CLASP2: variants seen among roughly 807,000 people sequenced by gnomAD.
CLASP2 encodes CLIP-associating protein 2.
A neutral mutation model predicts 194.4 loss-of-function variants in CLASP2; 47 were observed. The ratio of observed to expected loss-of-function variants is 0.24; its 90% confidence interval spans 0.19 to 0.31. The LOEUF (loss-of-function observed/expected upper bound fraction) is 0.31. Ranked by LOEUF, CLASP2 falls within the 10% of genes least tolerant of loss-of-function variation. The probability of loss-of-function intolerance (pLI) is 1.00; values close to 1 mark genes in which losing one functional copy is unlikely to be tolerated. For synonymous variants in CLASP2, 619 were observed against 633.5 expected (o/e 0.98, Z 0.34); for missense variants, 1,445 against 1,823.6 (o/e 0.79, Z 3.78).
At chr3:33,713,030 AAAAAAAAAAG>A (rs2093106507) in intron 1 of CLASP2, among the ~76,000 whole-genome samples, 6 of 150,674 alleles carry the variant, frequency 4.0e-5, no homozygotes, top group African/African-American at 1.2e-4. Context: ...AAAAAAAAAA[AAAAAAAAAAG>A]AAAGTGTGAA....
intron 7 of CLASP2, 71 bp downstream of exon 7, chr3:33,663,374 T>G: frequency 1.8e-6 from 2 of 1,122,216 alleles, no homozygotes; most frequent in Non-Finnish European, 2.6e-6. Context: ...ATCAGTGATA[T>G]ATAATACATT....
chr3:33,711,044 A>G (rs988062213), intron 1 of CLASP2, among the ~76,000 whole-genome samples: 2 of 152,162 alleles, frequency 1.3e-5, no homozygotes, highest in Non-Finnish European at 2.9e-5. Context: ...AGGGGAGAGG[A>G]AAAGATGTAG....
intron 18 of CLASP2, chr3:33,602,557 C>T (rs1256226281): frequency 2.6e-6 from 2 of 763,016 alleles, no homozygotes; most frequent in Non-Finnish European, 4.8e-6. Context: ...TAGAGCTTTG[C>T]AGTTCTCCCA....
chr3:33,577,966 T>C (rs189718166), intron 23 of CLASP2, among the ~76,000 whole-genome samples: 114 of 152,338 alleles, frequency 7.5e-4, no homozygotes, highest in African/African-American at 2.6e-3. Context: ...ACTTCTGTCA[T>C]TTAAAAGTAC....
At chr3:33,713,560 G>T (rs2093139803) in intron 1 of CLASP2, among the ~76,000 whole-genome samples, 1 of 152,182 alleles carries the variant, frequency 6.6e-6, no homozygotes, top group Admixed American at 6.5e-5. Flanking sequence ...TGACACCAAT[G>T]TTGGGAAGAA....
chr3:33,535,322 G>A lies in CLASP2; in HGVS notation c.3698C>T (p.Pro1233Leu), dbSNP rs1576045224. The A allele has an allele frequency of 6.2e-7, 1 of 1,613,876 alleles. No homozygotes were observed. Among genetic ancestry groups the A allele is most frequent in the Non-Finnish European group, 8.5e-7 (1 of 1,179,838 alleles). Reference sequence around the variant, plus strand: ...ACTGATGCTATCTGAATAGTTATATGGATTATAGTCTCGAGAGCGTGGAGA... The same window carrying A: ...ACTGATGCTATCTGAATAGTTATATAGATTATAGTCTCGAGAGCGTGGAGA... ...HSSPRSRDYN[P>L]YNYSDSISPF... is the part of the protein sequence containing the mutation. Residue 1233 changes from proline to leucine, a missense_variant, in exon 34 of 39, where the codon CCA becomes CTA. This residue lies in a region of CLASP2 where 732 missense variants were observed against 987.9 expected (regional missense o/e 0.74). Coordinates refer to ENST00000682230, the MANE Select transcript of CLASP2 (RefSeq NM_001365631.1).
At chr3:33,634,905 A>T (rs2079828239) in intron 8 of CLASP2, among the ~76,000 whole-genome samples, 1 of 152,182 alleles carries the variant, frequency 6.6e-6, no homozygotes, top group African/African-American at 2.4e-5. Context: ...ACGAAGTTAG[A>T]AATTTGAAAG....
intron 6 of CLASP2, among the ~76,000 whole-genome samples, chr3:33,679,717 A>C (rs1356100850): frequency 6.6e-6 from 1 of 152,178 alleles, no homozygotes; most frequent in African/African-American, 2.4e-5. Context: ...CCAAAACCCA[A>C]AACACTGACA....
chr3:33,712,027 G>C (rs776596792), intron 1 of CLASP2, among the ~76,000 whole-genome samples: 1 of 152,032 alleles, frequency 6.6e-6, no homozygotes, highest in Admixed American at 6.6e-5. Context: ...CTATCCAAAG[G>C]AAAAGAAGTC....
intron 34 of CLASP2, among the ~76,000 whole-genome samples, chr3:33,518,376 C>G (rs1050475327): frequency 2.6e-5 from 4 of 152,094 alleles, no homozygotes; most frequent in African/African-American, 7.2e-5. Context: ...TAACAAAATA[C>G]CAGAGTTCCT....
intron 29 of CLASP2, chr3:33,559,047 T>C: frequency 1.8e-6 from 1 of 544,098 alleles, no homozygotes; most frequent in Non-Finnish European, 3.3e-6. Context: ...TTACAAAGGT[T>C]AGTAGTTGAA....
chr3:33,527,625 C>T (rs760166535), intron 34 of CLASP2, among the ~76,000 whole-genome samples: 10 of 152,138 alleles, frequency 6.6e-5, no homozygotes, highest in Non-Finnish European at 1.2e-4. Flanking sequence ...TTGAGGCCAG[C>T]ATCACAGAAT....
rs993567728 is a variant in CLASP2, at chr3:33,589,833, C to T, written c.2068+2562G>A. On this transcript the variant is annotated intron_variant, in intron 21 of 38. Transcript: ENST00000682230. Reference sequence around the variant, plus strand: ...ATTTTTAAAAAAAAGCCCTTTGAGTCTTTGCCCTAAGATCAGCCTCAGTAT... The same window carrying T: ...ATTTTTAAAAAAAAGCCCTTTGAGTTTTTGCCCTAAGATCAGCCTCAGTAT... 1.1e-4 allele frequency among the ~76,000 whole-genome samples: 17 copies of T among 152,118 alleles called. 1 individual carries two copies. The highest frequency in any genetic ancestry group is 1.1e-3 in the Admixed American group (17 of 15,284).
chr3:33,575,305 C>A (rs2064617686), intron 24 of CLASP2, among the ~76,000 whole-genome samples: 1 of 152,068 alleles, frequency 6.6e-6, no homozygotes, highest in South Asian at 2.1e-4. Context: ...ATAGCTATTA[C>A]CAATGAATAT....
intron 34 of CLASP2, among the ~76,000 whole-genome samples, chr3:33,530,796 A>T (rs1463904137): frequency 6.6e-6 from 1 of 152,230 alleles, no homozygotes; most frequent in African/African-American, 2.4e-5. Flanking sequence ...TGTACAATGA[A>T]GACTAGAAAA....
chr3:33,592,717 A>G (rs774722861), intron 20 of CLASP2: 2 of 589,740 alleles, frequency 3.4e-6, no homozygotes, highest in South Asian at 3.5e-5. Context: ...GAATCAAACT[A>G]AAAGATTTAC....
intron 1 of CLASP2, 25 bp downstream of exon 1, chr3:33,717,783 G>A (rs766843531): frequency 1.5e-5 from 24 of 1,548,542 alleles, no homozygotes; most frequent in Non-Finnish European, 1.9e-5. Context: ...GGCGTGACCA[G>A]CCCAGCCTCG....
At chr3:33,674,684 T>A (rs1354548735) in intron 6 of CLASP2, among the ~76,000 whole-genome samples, 9 of 151,954 alleles carry the variant, frequency 5.9e-5, no homozygotes, top group Non-Finnish European at 1.3e-4. Flanking sequence ...TTGATAAGAC[T>A]GCTAGCAAGA....
intron 18 of CLASP2, among the ~76,000 whole-genome samples, chr3:33,600,686 T>C (rs1396936220): frequency 6.6e-6 from 1 of 152,210 alleles, no homozygotes; most frequent in African/African-American, 2.4e-5. Flanking sequence ...AATTACTACA[T>C]ACTATTTGGT....
Sources: gnomAD v4.1 joint callset for allele counts (sites outside exome capture counted in the v4.1 genomes callset) on GRCh38, gnomAD v4.1.1 for gene constraint, gnomAD v4.1.1 regional missense constraint, MANE v1.5 for transcripts, NCBI Gene and HGNC (gene_info 2026-07-23, HGNC 2026-07-21) for gene names.